Variants in CAPN5 observed in about 807,000 individuals in gnomAD.
The protein encoded by CAPN5 is calpain-5.
CAPN5 carries 54 observed loss-of-function variants against 73.0 expected under a neutral mutation model. That is an observed-to-expected ratio of 0.74 (90% CI 0.59 to 0.93). CAPN5 has a LOEUF of 0.93. Among genes scored for constraint, CAPN5 ranks in the 40% least tolerant of loss-of-function variants. CAPN5 has a pLI of 0.00. For missense variants in CAPN5, 785 were observed against 882.9 expected, an observed-to-expected ratio of 0.89 and a Z score of 1.41; for synonymous variants, 335 against 356.9, an observed-to-expected ratio of 0.94 and a Z score of 0.69.
intron 3 of CAPN5, among the ~76,000 whole-genome samples, chr11:77,097,095 G>A (rs1170999586): frequency 6.6e-6 from 1 of 152,120 alleles, no homozygotes; most frequent in Admixed American, 6.5e-5. Flanking sequence ...GGTGGTGGGC[G>A]CCTGTAGTCC....
At chr11:77,106,600 C>A (rs933919490) in intron 3 of CAPN5, among the ~76,000 whole-genome samples, 2 of 152,208 alleles carry the variant, frequency 1.3e-5, no homozygotes, top group African/African-American at 2.4e-5. Flanking sequence ...CCAGCAATGG[C>A]ACCTCTCTCG....
chr11:77,113,480 G>A lies in CAPN5; in HGVS notation c.506+683G>A, dbSNP rs77882357. The stretch of plus-strand genomic sequence containing the variant: ...GGCAGTGGGGTCAGAGGCCAGCCTC[G>A]CCAGCTCTAGGTGAGCCACTCTCTG... On this transcript the variant is annotated intron_variant, in intron 4 of 12. Coordinates refer to ENST00000648180, the MANE Select transcript of CAPN5 (RefSeq NM_004055.5). Among the ~76,000 whole-genome samples, 404 of 152,284 alleles carry A rather than the reference G, an allele frequency of 2.7e-3. 1 individual carries two copies. Among genetic ancestry groups the A allele is most frequent in the African/African-American group, 9.0e-3 (372 of 41,560 alleles).
At chr11:77,067,298 T>G (rs1949853513) in intron 1 of CAPN5, among the ~76,000 whole-genome samples, 1 of 151,350 alleles carries the variant, frequency 6.6e-6, no homozygotes, top group Non-Finnish European at 1.5e-5. Flanking sequence ...CTGGGCCCCC[T>G]CGGCTCGTCC....
At position 77,120,702 on chromosome 11, in the gene CAPN5, G is replaced by A. The variant is rs781900344; in HGVS notation, c.1291-11G>A. The A allele has an allele frequency of 1.5e-4, 235 of 1,590,650 alleles. 1 individual carries two copies. Among genetic ancestry groups the A allele is most frequent in the South Asian group, 1.0e-3 (92 of 89,262 alleles). On this transcript the variant is annotated splice_polypyrimidine_tract_variant and intron_variant, in intron 9 of 12. Transcript: ENST00000648180. The stretch of plus-strand genomic sequence containing the variant: ...GTCTCCGCGTGGCCCAGCCCCTCCC[G>A]CCTCCTGCAGGTGGAGGAGAACCGC...
chr11:77,101,592 G>C (rs1950284971), intron 3 of CAPN5, among the ~76,000 whole-genome samples: 1 of 152,190 alleles, frequency 6.6e-6, no homozygotes, highest in Admixed American at 6.5e-5. Context: ...TGTTCAGGTA[G>C]CCCAGGATCC....
In CAPN5 at chr11:77,072,489, G is replaced by A. The variant is rs78799572; in HGVS notation, c.-36+5395G>A. Among the ~76,000 whole-genome samples the A allele has an allele frequency of 6.7e-3, 1,028 of 152,300 alleles. 3 individuals carry two copies. The highest frequency in any genetic ancestry group is 0.027 in the Middle Eastern group (8 of 294). On this transcript the variant is annotated intron_variant, in intron 1 of 12. Coordinates refer to ENST00000648180, the MANE Select transcript of CAPN5 (RefSeq NM_004055.5). The stretch of plus-strand genomic sequence containing the variant: ...GGTGTGCAAGTGAAGTTGGAATGGG[G>A]GACACACCTGAGCAGGACACCCAGG...
intron 3 of CAPN5, among the ~76,000 whole-genome samples, chr11:77,095,197 A>G (rs949019050): frequency 1.3e-5 from 2 of 152,168 alleles, no homozygotes; most frequent in Non-Finnish European, 2.9e-5. Flanking sequence ...GCTCATTTCA[A>G]TTCTACGCCT....
chr11:77,079,100 T>C (rs1950002920), intron 1 of CAPN5, among the ~76,000 whole-genome samples: 5 of 152,178 alleles, frequency 3.3e-5, no homozygotes, highest in Admixed American at 2.6e-4. Flanking sequence ...ATATAAATCT[T>C]ACTTGATCAT....
In CAPN5 at chr11:77,123,916, A is replaced by T; in HGVS notation, c.*46A>T. Reference sequence around the variant, plus strand: ...TCTGACCGTTCCCACCACCATCTGCATGTCCCCACTGGGCCTGAGTCTAGC... The same window carrying T: ...TCTGACCGTTCCCACCACCATCTGCTTGTCCCCACTGGGCCTGAGTCTAGC... On this transcript the variant is annotated 3_prime_UTR_variant, in exon 13 of 13. Coordinates refer to ENST00000648180, the MANE Select transcript of CAPN5 (RefSeq NM_004055.5). 1 of 1,572,944 alleles carries T rather than the reference A, an allele frequency of 6.4e-7. No homozygotes were observed.
chr11:77,117,610 G>A (rs375105664), intron 7 of CAPN5, among the ~76,000 whole-genome samples: 12 of 152,270 alleles, frequency 7.9e-5, no homozygotes, highest in South Asian at 4.1e-4. Context: ...ACATGTTCAC[G>A]GTTAATTCAC....
chr11:77,082,967 C>A (rs183735248), intron 1 of CAPN5, among the ~76,000 whole-genome samples: 5 of 152,334 alleles, frequency 3.3e-5, no homozygotes, highest in African/African-American at 1.2e-4. Flanking sequence ...TGCCGGAAAC[C>A]CGTGGTGCTA....
chr11:77,123,952 G>T lies in CAPN5; in HGVS notation c.*82G>T. On this transcript the variant is annotated 3_prime_UTR_variant, in exon 13 of 13. Coordinates refer to ENST00000648180, the MANE Select transcript of CAPN5 (RefSeq NM_004055.5). ...GGGCCTGAGTCTAGCCTGGGAGCCA[G>T]GATACTGGGGTCCTTTTCCCACTCT... 1 of 1,343,432 alleles carries T rather than the reference G, an allele frequency of 7.4e-7. No individual in the cohort carries two copies. Among genetic ancestry groups the T allele is most frequent in the Non-Finnish European group, 1.0e-6 (1 of 966,678 alleles). The allele number at this position is 1,343,432 out of a possible 1,614,324, so 83.2% of individuals were successfully genotyped here.
chr11:77,094,049 A>G (rs1175128371), intron 3 of CAPN5, among the ~76,000 whole-genome samples: 2 of 152,178 alleles, frequency 1.3e-5, no homozygotes, highest in Non-Finnish European at 2.9e-5. Flanking sequence ...GGTCATTCTG[A>G]TGTGTCCCCC....
intron 2 of CAPN5, among the ~76,000 whole-genome samples, chr11:77,092,235 CAAAA>C (rs1244049412): frequency 6.6e-6 from 1 of 152,134 alleles, no homozygotes; most frequent in South Asian, 2.1e-4. Context: ...AAAACAAAAA[CAAAA>C]AACCCCAAAA....
intron 3 of CAPN5, among the ~76,000 whole-genome samples, chr11:77,097,530 C>G (rs1950225573): frequency 9.7e-6 from 1 of 103,354 alleles, no homozygotes; most frequent in Non-Finnish European, 1.8e-5. Flanking sequence ...GGGGATTTGG[C>G]AGGGTCATGG....
At chr11:77,077,787 T>A (rs1467236141) in intron 1 of CAPN5, among the ~76,000 whole-genome samples, 1 of 152,210 alleles carries the variant, frequency 6.6e-6, no homozygotes, top group African/African-American at 2.4e-5. Flanking sequence ...AGTGCTGGGA[T>A]TACATGCATA....
chr11:77,119,304 G>C, intron 9 of CAPN5, 152 bp downstream of exon 9: 2 of 837,962 alleles, frequency 2.4e-6, no homozygotes, highest in Non-Finnish European at 1.8e-6. Flanking sequence ...CCGTGGCATG[G>C]GCCCCACTTG....
In CAPN5 at chr11:77,109,888, G is replaced by T. The variant is rs1274520802; in HGVS notation, c.298-2701G>T. On this transcript the variant is annotated intron_variant, in intron 3 of 12. Transcript: ENST00000648180. ...CTCGAGTTTGACTAATGATCCTCCC[G>T]AGGTCCTAGCAGCCTGTGAGGGCTG... is the stretch of plus-strand genomic sequence containing the variant. Among the ~76,000 whole-genome samples, 3 of 152,160 alleles carry T rather than the reference G, an allele frequency of 2.0e-5. No individual in the cohort carries two copies. In the South Asian group the frequency reaches 6.2e-4, roughly 32 times the overall value.
At chr11:77,111,668 A>G (rs1555040760) in intron 3 of CAPN5, among the ~76,000 whole-genome samples, 1 of 152,174 alleles carries the variant, frequency 6.6e-6, no homozygotes, top group East Asian at 1.9e-4. Context: ...CTGGGTGCAT[A>G]GCAGTGACTG....
Sources: allele counts gnomAD v4.1 joint callset (sites outside exome capture counted in the v4.1 genomes callset), GRCh38; gene constraint gnomAD v4.1.1; transcripts MANE v1.5; gene names NCBI Gene and HGNC (gene_info 2026-07-23, HGNC 2026-07-21).